The following KCNC2 variants were observed in gnomAD, a reference collection of about 807,000 sequenced individuals.
The protein encoded by KCNC2 is potassium voltage-gated channel subfamily C member 2.
Under a neutral mutation model 44.5 loss-of-function variants are expected in KCNC2, and 21 were observed. That is an observed-to-expected ratio of 0.47 (90% confidence interval 0.33 to 0.68). The LOEUF is 0.68. Ranked by LOEUF, KCNC2 falls within the 30% of genes least tolerant of loss-of-function variation. The pLI is 0.01. For synonymous variants in KCNC2, 391 were observed against 339.1 expected, an observed-to-expected ratio of 1.15 and a Z score of -1.68; for missense variants, 589 against 826.2, an observed-to-expected ratio of 0.71 and a Z score of 3.52.
chr12:75,067,442 C>A (rs961209919), intron 2 of KCNC2, among the ~76,000 whole-genome samples: 15 of 151,988 alleles, frequency 9.9e-5, no homozygotes, highest in African/African-American at 3.6e-4. Flanking sequence ...TTATTGAATA[C>A]CCATGATAGA....
chr12:75,171,993 A>G (rs1417808639), intron 2 of KCNC2, among the ~76,000 whole-genome samples: 3 of 151,800 alleles, frequency 2.0e-5, no homozygotes, highest in African/African-American at 7.2e-5. Context: ...TATACTGCAC[A>G]TATACCCCTG....
chr12:75,054,389 G>A (rs1333837412), intron 2 of KCNC2, among the ~76,000 whole-genome samples: 3 of 152,088 alleles, frequency 2.0e-5, no homozygotes, highest in African/African-American at 7.2e-5. Context: ...GGAAACTGAG[G>A]TTGAATTCTG....
At chr12:75,206,080 G>A (rs1261121359) in intron 2 of KCNC2, among the ~76,000 whole-genome samples, 1 of 152,140 alleles carries the variant, frequency 6.6e-6, no homozygotes, top group Non-Finnish European at 1.5e-5. Flanking sequence ...GACTTCCAAA[G>A]TGTTATCAGT....
intron 2 of KCNC2, among the ~76,000 whole-genome samples, chr12:75,057,284 T>C (rs1365186961): frequency 6.6e-6 from 1 of 151,936 alleles, no homozygotes; most frequent in Non-Finnish European, 1.5e-5. Flanking sequence ...AATTTTGCCA[T>C]AATTAACGAG....
intron 2 of KCNC2, among the ~76,000 whole-genome samples, chr12:75,118,312 C>A (rs1453045941): frequency 1.3e-5 from 2 of 152,006 alleles, no homozygotes; most frequent in East Asian, 3.9e-4. Context: ...TACAGAATAG[C>A]TAACATTTCA....
chr12:75,096,357 A>C (rs1236346402), intron 2 of KCNC2, among the ~76,000 whole-genome samples: 1 of 152,090 alleles, frequency 6.6e-6, no homozygotes, highest in African/African-American at 2.4e-5. Context: ...AAGTGGGAAA[A>C]GTAGAAAGGA....
intron 2 of KCNC2, among the ~76,000 whole-genome samples, chr12:75,116,896 TCATCTCACTTTAAAGGGTAG>T (rs1316537842): frequency 1.3e-5 from 2 of 152,182 alleles, no homozygotes; most frequent in Non-Finnish European, 2.9e-5. Flanking sequence ...TTTGCGTTCA[TCATCTCACTTTAAAGGGTAG>T]CATCTCATCT....
chr12:75,186,234 T>C (rs543334356), intron 2 of KCNC2, among the ~76,000 whole-genome samples: 1 of 152,214 alleles, frequency 6.6e-6, no homozygotes, highest in South Asian at 2.1e-4. Context: ...TCTTGAAACA[T>C]CTGGTGCATT....
chr12:75,126,774 A>C (rs1888456104), intron 2 of KCNC2, among the ~76,000 whole-genome samples: 1 of 152,198 alleles, frequency 6.6e-6, no homozygotes, highest in Non-Finnish European at 1.5e-5. Context: ...CATTCAGGAT[A>C]AGATATTTGT....
At chr12:75,052,397 A>C (rs1179888378) in intron 2 of KCNC2, among the ~76,000 whole-genome samples, 4 of 152,138 alleles carry the variant, frequency 2.6e-5, no homozygotes, top group Non-Finnish European at 4.4e-5. Flanking sequence ...TTATGCTGGG[A>C]TCACATACTT....
chr12:75,065,889 G>A (rs1882782357), intron 2 of KCNC2, among the ~76,000 whole-genome samples: 1 of 152,040 alleles, frequency 6.6e-6, no homozygotes, highest in Non-Finnish European at 1.5e-5. Context: ...CTTAAAGACA[G>A]CATTCAGTAT....
rs1880023490 is a variant in KCNC2 at position 75,042,491 on chromosome 12, A to C, written c.*614T>G. 3 of 1,444,920 alleles carry C rather than the reference A, an allele frequency of 2.1e-6. No homozygotes were observed. The highest frequency in any genetic ancestry group is 2.6e-5 in the Admixed American group (1 of 38,260). 89.5% of individuals were successfully genotyped at this position (1,444,920 alleles called of 1,614,324 possible). On this transcript the variant is annotated 3_prime_UTR_variant, in exon 5 of 5. Coordinates refer to ENST00000549446, the MANE Select transcript of KCNC2 (RefSeq NM_139137.4). ...ATATTTCTTTCAAATAATAAGAAAAAAATGTCAAGGAGAAAAGTGCCCTCC... is the reference window on the plus strand; with the variant it reads ...ATATTTCTTTCAAATAATAAGAAAACAATGTCAAGGAGAAAAGTGCCCTCC...
At chr12:75,183,914 T>C (rs1461143625) in intron 2 of KCNC2, among the ~76,000 whole-genome samples, 3 of 152,182 alleles carry the variant, frequency 2.0e-5, no homozygotes, top group Non-Finnish European at 4.4e-5. Flanking sequence ...ACCTCTCAGA[T>C]TCTTGGAGTT....
chr12:75,075,432 A>T (rs1027394555), intron 2 of KCNC2, among the ~76,000 whole-genome samples: 1 of 139,402 alleles, frequency 7.2e-6, no homozygotes, highest in Non-Finnish European at 1.6e-5. Context: ...ATTAAATCCA[A>T]TTCTCAGGAG....
At chr12:75,176,480 A>G (rs1892191379) in intron 2 of KCNC2, among the ~76,000 whole-genome samples, 1 of 151,688 alleles carries the variant, frequency 6.6e-6, no homozygotes, top group Admixed American at 6.6e-5. Flanking sequence ...TGCCCTACAC[A>G]TTTTCCGATT....
intron 2 of KCNC2, among the ~76,000 whole-genome samples, chr12:75,118,010 C>T (rs185166187): frequency 1.4e-4 from 22 of 152,322 alleles, no homozygotes; most frequent in Admixed American, 1.4e-3. Flanking sequence ...CCTACCCCAT[C>T]ATGCTGGACT....
chr12:75,163,024 C>A (rs1018283632), intron 2 of KCNC2, among the ~76,000 whole-genome samples: 1 of 151,674 alleles, frequency 6.6e-6, no homozygotes, highest in African/African-American at 2.4e-5. Flanking sequence ...AGATCTGTCT[C>A]TCCTCGTGCA....
chr12:75,064,464 A>C (rs1882634770), intron 2 of KCNC2, among the ~76,000 whole-genome samples: 1 of 152,064 alleles, frequency 6.6e-6, no homozygotes, highest in Non-Finnish European at 1.5e-5. Context: ...TACAAGGCTG[A>C]GTATAATGAA....
At position 75,207,934 on chromosome 12, in the gene KCNC2, G is replaced by A; in HGVS notation, c.50C>T (p.Thr17Ile). ...GGTGCTGCGGTAGGTTTCGTGCCGGGTGCCCCCGACATTGAGGATCACCCT... is the reference window on the plus strand; with the variant it reads ...GGTGCTGCGGTAGGTTTCGTGCCGGATGCCCCCGACATTGAGGATCACCCT... ...NERVILNVGG[T>I]RHETYRSTLK... The change falls in exon 2 of 5, where the codon ACC becomes ATC. Residue 17 changes from threonine to isoleucine, a missense_variant. Around this residue, in one of 7 missense-constraint regions of KCNC2, gnomAD observed 148 missense variants for 140.1 expected, o/e 1.06. Transcript: ENST00000549446. This position sits in a 1 kb window ranked among gnomAD's most constrained non-coding sequence, Gnocchi z 4.1. The A allele has an allele frequency of 6.2e-7, 1 of 1,612,810 alleles. No homozygotes were observed. The highest frequency in any genetic ancestry group is 8.5e-7 in the Non-Finnish European group (1 of 1,179,918).
Sources: allele counts gnomAD v4.1 joint callset (sites outside exome capture counted in the v4.1 genomes callset), GRCh38; gene constraint gnomAD v4.1.1; regional missense constraint gnomAD v4.1.1; non-coding constraint Gnocchi (gnomAD v3.1); transcripts MANE v1.5; gene names NCBI Gene and HGNC (gene_info 2026-07-23, HGNC 2026-07-21).